SCAF11: variants seen among roughly 807,000 people sequenced by gnomAD.
SCAF11 encodes SR-related CTD associated factor 11.
In SCAF11, 47 loss-of-function variants were observed where a neutral mutation model predicts 140.5. That is an observed-to-expected ratio of 0.33 (90% CI 0.26 to 0.43). The LOEUF (loss-of-function observed/expected upper bound fraction) is 0.43, where lower values mean the gene tolerates loss of function less well. Ranked by LOEUF, SCAF11 falls within the 20% of genes least tolerant of loss-of-function variation. The probability of loss-of-function intolerance (pLI) is 1.00; values close to 1 mark genes in which losing one functional copy is unlikely to be tolerated. For synonymous variants in SCAF11, 557 were observed against 579.4 expected (o/e 0.96, Z 0.55); for missense variants, 1,645 against 1,705.1 (o/e 0.96, Z 0.62).
intron 8 of SCAF11, among the ~76,000 whole-genome samples, chr12:45,933,823 T>G (rs1224041226): frequency 2.0e-5 from 3 of 152,114 alleles, no homozygotes; most frequent in Non-Finnish European, 4.4e-5. Flanking sequence ...TCACTAGGAT[T>G]CAAAGATGAA....
chr12:45,926,292 C>T lies in SCAF11; in HGVS notation c.3409G>A (p.Ala1137Thr), dbSNP rs561635499. ...GCAGATGTCCATCCAGATCTATCTG[C>T]TGGTGTATCAAATGAGAACTCCTGT... ...SEQEFSFDTP[A>T]DRSGWTSASS... Residue 1137 changes from alanine to threonine, a missense_variant, in exon 11 of 15, where the codon GCA becomes ACA. Physicochemically the swap from Ala to Thr is moderately conservative, Grantham distance 58 (BLOSUM62 0). This residue lies in a region of SCAF11 where 1,582 missense variants were observed against 1,609.2 expected (regional missense o/e 0.98). Coordinates refer to ENST00000369367, the MANE Select transcript of SCAF11 (RefSeq NM_004719.3). The T allele has an allele frequency of 1.7e-5, 27 of 1,614,164 alleles. No individual in the cohort carries two copies. In the South Asian group the frequency reaches 3.0e-4, roughly 18 times the overall value.
rs749820742 is a variant in SCAF11 at position 45,919,606 on chromosome 12, A to C, written c.*2442T>G. ...TCTTAACTCAAGAATGAGGAATATT[A>C]AAGCAATGTATTTTTTCAACATAAA... is the stretch of plus-strand genomic sequence containing the variant. On this transcript the variant is annotated 3_prime_UTR_variant, in exon 15 of 15. Transcript: ENST00000369367. 3.3e-5 allele frequency: 5 copies of C among 152,230 alleles called. No individual in the cohort carries two copies. Among genetic ancestry groups the C allele is most frequent in the Non-Finnish European group, 7.3e-5 (5 of 68,032 alleles). 9.4% of individuals were successfully genotyped at this position (152,230 alleles called of 1,614,324 possible). A position where few individuals can be genotyped will look rare whatever the true frequency, so the allele number is the denominator to read the frequency against.
At chr12:45,931,223 G>C (rs144756998) in intron 10 of SCAF11, 144 of 177,866 alleles carry the variant, frequency 8.1e-4, no homozygotes, top group African/African-American at 3.0e-3. Context: ...GTTCATCCAC[G>C]TTGGCACAAA....
At chr12:45,924,685 T>G (rs757440988) in intron 12 of SCAF11, 43 bp downstream of exon 12, 4 of 1,479,698 alleles carry the variant, frequency 2.7e-6, no homozygotes, top group Middle Eastern at 3.5e-4. Context: ...GCTAAATGTT[T>G]ACAATGGCTA....
At chr12:45,935,853 T>C (rs1037161418) in intron 6 of SCAF11, among the ~76,000 whole-genome samples, 3 of 152,230 alleles carry the variant, frequency 2.0e-5, no homozygotes, top group African/African-American at 7.2e-5. Context: ...AAGTATTCGA[T>C]ACTGGTGAAT....
At chr12:45,953,341 G>A (rs997307) in intron 3 of SCAF11, among the ~76,000 whole-genome samples, 59,596 of 152,104 alleles carry the variant, frequency 0.39, 13,484 homozygotes, top group East Asian at 0.54. Flanking sequence ...AATTTCTTAA[G>A]AGATTATATT....
upstream of SCAF11, chr12:45,990,685 G>C: frequency 1.1e-6 from 1 of 882,262 alleles, no homozygotes; most frequent in East Asian, 3.5e-5. Flanking sequence ...GCGGCAGCCG[G>C]ACTCGCCACA....
At chr12:45,962,888 TA>T (rs1945860696) in intron 2 of SCAF11, among the ~76,000 whole-genome samples, 2 of 152,224 alleles carry the variant, frequency 1.3e-5, no homozygotes, top group Middle Eastern at 3.2e-3. Context: ...TTATCAAATG[TA>T]AGCTCATAAT....
At chr12:45,960,732 T>C (rs1297872639) in intron 3 of SCAF11, 1 of 152,114 alleles carries the variant, frequency 6.6e-6, no homozygotes, top group Non-Finnish European at 1.5e-5. Context: ...CCAGAGTCAC[T>C]ATACAGTTAC....
chr12:45,930,087 A>T (rs1472483365), intron 10 of SCAF11: 1 of 152,264 alleles, frequency 6.6e-6, no homozygotes, highest in Non-Finnish European at 1.5e-5. Context: ...GAGAAAATAC[A>T]TTATAATGCT....
intron 1 of SCAF11, among the ~76,000 whole-genome samples, chr12:45,981,947 C>T (rs1288633321): frequency 6.6e-6 from 1 of 152,036 alleles, no homozygotes; most frequent in Non-Finnish European, 1.5e-5. Context: ...CAAGAAACTC[C>T]CTTTAAAAAT....
chr12:45,975,895 C>T (rs1275152104), intron 1 of SCAF11, among the ~76,000 whole-genome samples: 1 of 152,112 alleles, frequency 6.6e-6, no homozygotes, highest in Non-Finnish European at 1.5e-5. Context: ...GATCACTGAT[C>T]ACATATCACA....
chr12:45,950,718 T>G (rs555789185), intron 4 of SCAF11, among the ~76,000 whole-genome samples: 2 of 152,330 alleles, frequency 1.3e-5, no homozygotes, highest in South Asian at 4.1e-4. Flanking sequence ...GTTTGTACCT[T>G]GCATCAAGAT....
chr12:45,989,704 C>A (rs1292806519), intron 1 of SCAF11, among the ~76,000 whole-genome samples: 1 of 152,100 alleles, frequency 6.6e-6, no homozygotes. Flanking sequence ...GCCCAGGTAG[C>A]GAATTTAAAA....
At chr12:45,972,899 T>TATATATATATAG (rs1565688794) in intron 1 of SCAF11, among the ~76,000 whole-genome samples, 1 of 64,658 alleles carries the variant, frequency 1.5e-5, no homozygotes, top group East Asian at 3.2e-4. Context: ...TATAGATATA[T>TATATATATATAG]ATATATATAG....
chr12:45,977,141 TATGA>T, intron 1 of SCAF11, among the ~76,000 whole-genome samples: 1 of 152,184 alleles, frequency 6.6e-6, no homozygotes, highest in East Asian at 1.9e-4. Context: ...CAAATCATTT[TATGA>T]ATCCAGCATT....
intron 1 of SCAF11, among the ~76,000 whole-genome samples, chr12:45,965,893 CA>C (rs1214295787): frequency 6.6e-6 from 1 of 152,118 alleles, no homozygotes; most frequent in Admixed American, 6.5e-5. Context: ...ACCATAAAAG[CA>C]GAAGAAACTT....
chr12:45,960,984 A>C (rs1945813310), intron 3 of SCAF11: 2 of 213,550 alleles, frequency 9.4e-6, no homozygotes, highest in South Asian at 1.8e-4. Context: ...CATAACAATA[A>C]GGCTTATATT....
chr12:45,935,639 T>C (rs527843313), intron 6 of SCAF11, among the ~76,000 whole-genome samples: 4 of 152,216 alleles, frequency 2.6e-5, no homozygotes, highest in Non-Finnish European at 5.9e-5. Flanking sequence ...CACTCAACAC[T>C]TAACGAGTAT....
Sources: gnomAD v4.1 joint callset for allele counts (sites outside exome capture counted in the v4.1 genomes callset) on GRCh38, gnomAD v4.1.1 for gene constraint, gnomAD v4.1.1 regional missense constraint, MANE v1.5 for transcripts, NCBI Gene and HGNC (gene_info 2026-07-23, HGNC 2026-07-21) for gene names.